MYBPC3: variants seen among roughly 807,000 people sequenced by gnomAD.
MYBPC3 encodes myosin binding protein C3, also known as myosin-binding protein C, cardiac-type.
A neutral mutation model predicts 159.3 loss-of-function variants in MYBPC3; 108 were observed. The ratio of observed to expected loss-of-function variants is 0.68; its 90% CI spans 0.58 to 0.80. The LOEUF (loss-of-function observed/expected upper bound fraction) is 0.80. MYBPC3 is among the 30% of genes least tolerant of loss of function. The probability of loss-of-function intolerance (pLI) is 0.00; values close to 1 mark genes in which losing one functional copy is unlikely to be tolerated. For synonymous variants in MYBPC3, 730 were observed against 702.0 expected (o/e 1.04, Z -0.63); for missense variants, 1,631 against 1,762.1 (o/e 0.93, Z 1.33).
At position 47,348,559 on chromosome 11, in the gene MYBPC3, C is replaced by T. The variant is rs113249211; in HGVS notation, c.655-18G>A. ...AGATAGACCTGTGTGCATGGAGGGA[C>T]GGGGCGTCAGGGGACACCAGGGGCC... On this transcript the variant is annotated intron_variant, in intron 5 of 34. Transcript: ENST00000545968. 2,486 of 1,593,152 alleles carry T rather than the reference C, an allele frequency of 1.6e-3. 32 individuals carry two copies. In the African/African-American group the frequency reaches 0.028, roughly 18 times the overall value.
chr11:47,339,337 A>G lies in MYBPC3; in HGVS notation c.2135T>C (p.Val712Ala), dbSNP rs778160438. ...PEDTGDSDEWVFDKKLLCETE... is the reference protein window; with the variant it reads ...PEDTGDSDEWAFDKKLLCETE... ...AGTCTCACTCACCTTCTTGTCAAAC[A>G]CCCACTCATCGCTGTCACCTGTGTC... is the stretch of plus-strand genomic sequence containing the variant. Residue 712 changes from valine (V) to alanine (A), a missense_variant, in exon 22 of 35, where the codon GTG (valine) becomes GCG (alanine). Transcript: ENST00000545968. 1 of 1,613,912 alleles carries G rather than the reference A, an allele frequency of 6.2e-7. No homozygotes were observed. The highest frequency in any genetic ancestry group is 1.1e-5 in the South Asian group (1 of 91,076).
rs193922383 is a variant in MYBPC3 at position 47,332,896 on chromosome 11, G to T, written c.3408C>A (p.Tyr1136Ter). 1.2e-6 allele frequency: 2 copies of T among 1,608,768 alleles called. No individual in the cohort carries two copies. The highest frequency in any genetic ancestry group is 8.5e-7 in the Non-Finnish European group (1 of 1,177,924). ...CCATATTCTGGCTGAAGACGCGGAA[G>T]TAGTAGCCATTGCCAATGATGAGCT... ...VPELIIGNGY[Y>*]FRVFSQNMVG... The change falls in exon 31 of 35, where the codon TAC becomes TAA. Residue 1136 changes from tyrosine to a stop codon, truncating the protein, a stop_gained. Transcript: ENST00000545968. LOFTEE classifies it high-confidence loss of function. The surrounding 1 kb of genome is among the most constrained non-coding windows in gnomAD (Gnocchi z 4.2).
chr11:47,343,549 T>A lies in MYBPC3; in HGVS notation c.1166A>T (p.Asp389Val), dbSNP rs1412710023. 1.2e-6 allele frequency: 2 copies of A among 1,610,136 alleles called. No individual in the cohort carries two copies. The highest frequency in any genetic ancestry group is 2.2e-5 in the South Asian group (2 of 90,446). Residue 389 changes from aspartate (D) to valine (V), a missense_variant, in exon 13 of 35, where the codon GAC becomes GTC. Transcript: ENST00000545968. ...HKIRLTVELA[D>V]HDAEVKWLKN... Reference sequence around the variant, plus strand: ...GAGCCATTTGACCTCAGCGTCATGGTCAGCCAGTTCCACGGTCAGCCGGAT... The same window carrying A: ...GAGCCATTTGACCTCAGCGTCATGGACAGCCAGTTCCACGGTCAGCCGGAT...
In MYBPC3 at chr11:47,334,996, T is replaced by C; in HGVS notation, c.2905+46A>G. ...CCACCTCCACTGGACACCAAGGGCC[T>C]GGGGTGTCAATGGCGGGTCTTGTGA... On this transcript the variant is annotated intron_variant, in intron 27 of 34. Coordinates refer to ENST00000545968, the MANE Select transcript of MYBPC3 (RefSeq NM_000256.3). 2.1e-6 allele frequency: 3 copies of C among 1,459,962 alleles called. No homozygotes were observed. In the South Asian group the frequency reaches 4.6e-5, roughly 22 times the overall value. The allele number at this position is 1,459,962 out of a possible 1,614,324, so 90.4% of individuals were successfully genotyped here. A position where few individuals can be genotyped will look rare whatever the true frequency, so the allele number is the denominator to read the frequency against.
intron 21 of MYBPC3, 88 bp downstream of exon 21, chr11:47,339,563 T>C (rs1447769454): frequency 6.1e-6 from 9 of 1,482,828 alleles, no homozygotes; most frequent in Non-Finnish European, 8.2e-6. Context: ...CGTGCACATG[T>C]GGGTGGGGTG....
rs769777453 is a variant in MYBPC3 at position 47,346,189 on chromosome 11, C to T, written c.1090+18G>A. ...GCTAGCCTGTGCCCTCTCCTCTCCC[C>T]TCTGAGGAAGGGCTAACCTGTGCTC... On this transcript the variant is annotated intron_variant, in intron 12 of 34. Transcript: ENST00000545968. The surrounding 1 kb of genome is among the most constrained non-coding windows in gnomAD (Gnocchi z 5.3). The T allele has an allele frequency of 1.2e-6, 2 of 1,613,398 alleles. No homozygotes were observed. Among genetic ancestry groups the T allele is most frequent in the East Asian group, 2.2e-5 (1 of 44,876 alleles).
chr11:47,344,120 C>A (rs1565628690), intron 12 of MYBPC3, among the ~76,000 whole-genome samples: 1 of 152,228 alleles, frequency 6.6e-6, no homozygotes, highest in Non-Finnish European at 1.5e-5. Context: ...ACCTCCTTGT[C>A]TCTGTCTGTC....
intron 5 of MYBPC3, 93 bp from the exon 6 acceptor site, chr11:47,348,634 G>T (rs929278944): frequency 2.7e-5 from 26 of 970,660 alleles, no homozygotes; most frequent in Non-Finnish European, 3.8e-5. Flanking sequence ...GGCCGGGCGC[G>T]GTGGCTCAGG....
chr11:47,332,341 T>G lies in MYBPC3; in HGVS notation c.3628-83A>C, dbSNP rs185680707. On this transcript the variant is annotated intron_variant, in intron 32 of 34. Transcript: ENST00000545968. This position sits in a 1 kb window ranked among gnomAD's most constrained non-coding sequence, Gnocchi z 4.2. Reference sequence around the variant, plus strand: ...GGGACCCAGGGAGACACATCTGTGTTTCTACTCGGGGGGTCCCACGAGAGT... The same window carrying G: ...GGGACCCAGGGAGACACATCTGTGTGTCTACTCGGGGGGTCCCACGAGAGT... 234 of 1,523,836 alleles carry G rather than the reference T, an allele frequency of 1.5e-4. 2 individuals are homozygous for G. In the East Asian group the frequency reaches 3.6e-3, roughly 24 times the overall value. The allele number at this position is 1,523,836 out of a possible 1,614,324, so 94.4% of individuals were successfully genotyped here. A position where few individuals can be genotyped will look rare whatever the true frequency, so the allele number is the denominator to read the frequency against.
chr11:47,332,775 C>G lies in MYBPC3; in HGVS notation c.3490+39G>C. On this transcript the variant is annotated intron_variant, in intron 31 of 34. Coordinates refer to ENST00000545968, the MANE Select transcript of MYBPC3 (RefSeq NM_000256.3). This position sits in a 1 kb window ranked among gnomAD's most constrained non-coding sequence, Gnocchi z 4.2. ...CCCTCTCCCTGTTCCCACAGCCTCC[C>G]TGCCCCAGCCCCTGGTTGGAAGAAT... 2 of 1,587,200 alleles carry G rather than the reference C, an allele frequency of 1.3e-6. No homozygotes were observed. The highest frequency in any genetic ancestry group is 1.7e-6 in the Non-Finnish European group (2 of 1,165,834).
In MYBPC3 at chr11:47,335,059, G is replaced by A. The variant is rs2095880897; in HGVS notation, c.2888C>T (p.Thr963Ile). Residue 963 changes from threonine to isoleucine, a missense_variant, in exon 27 of 35, where the codon ACA becomes ATA. Coordinates refer to ENST00000545968, the MANE Select transcript of MYBPC3 (RefSeq NM_000256.3). The stretch of plus-strand genomic sequence containing the variant: ...GCACTCACGCAGGATCTCCTGCACT[G>A]TCACCGGCTCCGTGGTGGTAACAGG... ...GAPVTTTEPV[T>I]VQEILQRPRL... The A allele has an allele frequency of 1.3e-6, 2 of 1,572,738 alleles. No individual in the cohort carries two copies. The highest frequency in any genetic ancestry group is 8.7e-7 in the Non-Finnish European group (1 of 1,155,750).
In MYBPC3 at chr11:47,350,035, G is replaced by A. The variant is rs730880618; in HGVS notation, c.484C>T (p.Gln162Ter). The change falls in exon 4 of 35, where the codon CAG (glutamine) becomes TAG (stop). Residue 162 changes from glutamine to a stop codon, truncating the protein, a stop_gained. Transcript: ENST00000545968. LOFTEE classifies it high-confidence loss of function. ...TCACCCACGGTCACCTCGCCATCCT[G>A]TGGCCGCATCACGAAGAGGCCAATG... ...DPIGLFVMRPQDGEVTVGGSI... is the reference protein window; with the variant it reads ...DPIGLFVMRP 2 of 1,562,860 alleles carry A rather than the reference G, an allele frequency of 1.3e-6. No homozygotes were observed. Among genetic ancestry groups the A allele is most frequent in the African/African-American group, 1.4e-5 (1 of 73,648 alleles).
At chr11:47,342,213 C>T (rs1247832282) in intron 17 of MYBPC3, 57 bp from the exon 18 acceptor site, 18 of 1,583,146 alleles carry the variant, frequency 1.1e-5, no homozygotes, top group Non-Finnish European at 1.4e-5. Flanking sequence ...TGGCGTGAAT[C>T]CCTGTGGAGG....
At position 47,333,341 on chromosome 11, in the gene MYBPC3, A is replaced by G; in HGVS notation, c.3191-8T>C. On this transcript the variant is annotated splice_region_variant and splice_polypyrimidine_tract_variant and intron_variant, in intron 29 of 34. Transcript: ENST00000545968. ...GGGGAGGACTTGGCTTGTCTGCGGG[A>G]GACAGACCCAGTTGGGTCACCACGC... The G allele has an allele frequency of 6.4e-7, 1 of 1,558,444 alleles. No homozygotes were observed. Among genetic ancestry groups the G allele is most frequent in the Non-Finnish European group, 8.7e-7 (1 of 1,148,730 alleles).
intron 12 of MYBPC3, among the ~76,000 whole-genome samples, chr11:47,345,959 G>C (rs569897153): frequency 1.3e-5 from 2 of 152,274 alleles, no homozygotes; most frequent in East Asian, 3.9e-4. Flanking sequence ...TTCTATCTCT[G>C]TGGTAAGGGG....
At chr11:47,336,499 A>C (rs1487622827) in intron 25 of MYBPC3, 10 of 110,566 alleles carry the variant, frequency 9.0e-5, no homozygotes, top group African/African-American at 3.0e-4. Flanking sequence ...CAAAAAAAAA[A>C]AAAAAAAAAA....
rs2095885323 is a variant in MYBPC3 at position 47,338,782 on chromosome 11, G to A, written c.2149-103C>T. 6.0e-6 allele frequency: 8 copies of A among 1,338,556 alleles called. No homozygotes were observed. The highest frequency in any genetic ancestry group is 8.0e-6 in the Non-Finnish European group (8 of 999,818). 82.9% of individuals were successfully genotyped at this position (1,338,556 alleles called of 1,614,324 possible). ...CCCGGGGGTCCATGGGGGGAACACAGCCTGTGGGAAGACTGCATCCACGTC... is the reference window on the plus strand; with the variant it reads ...CCCGGGGGTCCATGGGGGGAACACAACCTGTGGGAAGACTGCATCCACGTC... On this transcript the variant is annotated intron_variant, in intron 22 of 34. Transcript: ENST00000545968. This position sits in a 1 kb window ranked among gnomAD's most constrained non-coding sequence, Gnocchi z 4.7.
rs780907679 is a variant in MYBPC3, at chr11:47,341,015, C to T, written c.1915G>A (p.Val639Ile). 44 of 1,569,724 alleles carry T rather than the reference C, an allele frequency of 2.8e-5. No individual in the cohort carries two copies. In the South Asian group the frequency reaches 3.1e-4, roughly 11 times the overall value. Reference sequence around the variant, plus strand: ...CCCCAAGACTTACCCTGCCTGGGTACGAAGTCAATCTTGACCTCTGCAAGA... The same window carrying T: ...CCCCAAGACTTACCCTGCCTGGGTATGAAGTCAATCTTGACCTCTGCAAGA... ...LHFMEVKIDF[V>I]PRQEPPKIHL... The change falls in exon 20 of 35, where the codon GTA (valine) becomes ATA (isoleucine). Residue 639 changes from valine to isoleucine, a missense_variant. By Grantham distance (29) the Val-to-Ile change is conservative. Transcript: ENST00000545968.
chr11:47,342,491 T>G (rs2095889669), intron 17 of MYBPC3, 87 bp downstream of exon 17: 4 of 1,419,000 alleles, frequency 2.8e-6, no homozygotes, highest in African/African-American at 1.4e-5. Flanking sequence ...TGAGCCCAGG[T>G]TTGCCTGCTC....
Sources: allele counts gnomAD v4.1 joint callset (sites outside exome capture counted in the v4.1 genomes callset), GRCh38; gene constraint gnomAD v4.1.1; non-coding constraint Gnocchi (gnomAD v3.1); transcripts MANE v1.5; gene names NCBI Gene and HGNC (gene_info 2026-07-23, HGNC 2026-07-21).